SIGLEC15: variants seen among roughly 807,000 people sequenced by gnomAD.
SIGLEC15 encodes the protein sialic acid binding Ig like lectin 15.
In SIGLEC15, 31 loss-of-function variants were observed where a neutral mutation model predicts 26.2. The ratio of observed to expected loss-of-function variants is 1.18; its 90% CI spans 0.89 to 1.60. The LOEUF is 1.60. SIGLEC15 is among the 40% of genes most tolerant of loss of function. The pLI, the probability that SIGLEC15 is intolerant of heterozygous loss-of-function variation, is 0.00. For missense variants in SIGLEC15, 501 were observed against 488.4 expected (o/e 1.03, Z -0.24); for synonymous variants, 207 against 221.9 (o/e 0.93, Z 0.60).
Position 45,838,913 on chromosome 18 carries a change from A to G in SIGLEC15, c.692A>G (p.His231Arg), listed in dbSNP as rs766698669. 8.1e-6 allele frequency: 13 copies of G among 1,602,668 alleles called. No homozygotes were observed. The highest frequency in any genetic ancestry group is 1.1e-5 in the Non-Finnish European group (13 of 1,177,872). The change falls in exon 4 of 6, where the codon CAT becomes CGT. Residue 231 changes from histidine to arginine, a missense_variant. Coordinates refer to ENST00000389474, the MANE Select transcript of SIGLEC15 (RefSeq NM_213602.3). The part of the protein sequence containing the change: ...LVTAELPALT[H>R]DGRYTCTAAN... ...ACCGCCGAACTGCCCGCACTGACCC[A>G]TGACGGCCGCTACACGTGTACGGCC...
At chr18:45,835,562 G>A (rs1440267698) in intron 1 of SIGLEC15, among the ~76,000 whole-genome samples, 4 of 152,158 alleles carry the variant, frequency 2.6e-5, no homozygotes, top group Admixed American at 6.5e-5. Context: ...ATCTCATTTC[G>A]TAGAGGTCAG....
At chr18:45,828,869 T>G (rs1424076791) in intron 1 of SIGLEC15, among the ~76,000 whole-genome samples, 1 of 152,122 alleles carries the variant, frequency 6.6e-6, no homozygotes, top group Admixed American at 6.5e-5. Context: ...CAGGGGTGCT[T>G]ATTCGGGACA....
intron 3 of SIGLEC15, 30 bp downstream of exon 3, chr18:45,837,926 C>T (rs779957056): frequency 1.4e-6 from 2 of 1,459,988 alleles, no homozygotes; most frequent in East Asian, 2.9e-5. Context: ...GGTCCCCGGC[C>T]TCCCTTCCCG....
intron 1 of SIGLEC15, among the ~76,000 whole-genome samples, chr18:45,835,945 A>G (rs1333319004): frequency 6.6e-6 from 1 of 152,230 alleles, no homozygotes; most frequent in African/African-American, 2.4e-5. Flanking sequence ...GATAGTCATG[A>G]CAAGACCCTG....
rs2048342955 is a variant in SIGLEC15 at position 45,843,614 on chromosome 18, C to T, written c.*1427C>T. 6.6e-6 allele frequency: 1 copy of T among 152,354 alleles called. No homozygotes were observed. The highest frequency in any genetic ancestry group is 1.5e-5 in the Non-Finnish European group (1 of 68,136). The allele number at this position is 152,354 out of a possible 1,614,324, so 9.4% of individuals were successfully genotyped here. ...TAAAAATAGGCTGGGCGTGGTGGCTCATGCCTGTAATCCCAGCACCCTGGG... is the reference window on the plus strand; with the variant it reads ...TAAAAATAGGCTGGGCGTGGTGGCTTATGCCTGTAATCCCAGCACCCTGGG... On this transcript the variant is annotated 3_prime_UTR_variant, in exon 6 of 6. Coordinates refer to ENST00000389474, the MANE Select transcript of SIGLEC15 (RefSeq NM_213602.3).
At chr18:45,830,966 A>G (rs762816777) in intron 1 of SIGLEC15, among the ~76,000 whole-genome samples, 3 of 152,076 alleles carry the variant, frequency 2.0e-5, no homozygotes, top group Non-Finnish European at 4.4e-5. Context: ...ATTTTCAGAC[A>G]TAGATTTTTA....
Position 45,837,081 on chromosome 18 carries a change from G to A in SIGLEC15, c.105G>A (p.Glu35=), listed in dbSNP as rs1438965951. The A allele has an allele frequency of 6.2e-7, 1 of 1,610,754 alleles. No homozygotes were observed. The highest frequency in any genetic ancestry group is 1.3e-5 in the African/African-American group (1 of 74,846). ...CTACGGAGAACTTGCTCAACACAGA[G>A]GTGCACAGTAAGTGCTTTTATTATT... ...IDTTENLLNT[E]VHSSPAQRWS... Residue 35 remains glutamate, a synonymous_variant, in exon 2 of 6, where the codon GAG becomes GAA. Coordinates refer to ENST00000389474, the MANE Select transcript of SIGLEC15 (RefSeq NM_213602.3).
At chr18:45,835,678 C>A (rs1222174462) in intron 1 of SIGLEC15, among the ~76,000 whole-genome samples, 1 of 152,200 alleles carries the variant, frequency 6.6e-6, no homozygotes, top group African/African-American at 2.4e-5. Flanking sequence ...GAACCTGGAA[C>A]TGAACCATCC....
chr18:45,836,750 C>A (rs563904274), intron 1 of SIGLEC15, among the ~76,000 whole-genome samples: 2 of 152,352 alleles, frequency 1.3e-5, no homozygotes, highest in African/African-American at 4.8e-5. Context: ...CTTGGGTATA[C>A]CTGAATTCTA....
chr18:45,841,678 T>C (rs1017957975), intron 5 of SIGLEC15, among the ~76,000 whole-genome samples: 2 of 152,106 alleles, frequency 1.3e-5, no homozygotes, highest in Non-Finnish European at 2.9e-5. Context: ...GCCTGAGCCC[T>C]GGGTCCCACT....
intron 2 of SIGLEC15, 118 bp from the exon 3 acceptor site, chr18:45,837,395 T>C (rs908720232): frequency 7.4e-7 from 1 of 1,351,718 alleles, no homozygotes; most frequent in East Asian, 2.8e-5. Flanking sequence ...CCCTGAGTCC[T>C]GGGGTTTCCA....
intron 1 of SIGLEC15, among the ~76,000 whole-genome samples, chr18:45,833,905 T>C (rs936907635): frequency 1.3e-5 from 2 of 150,282 alleles, no homozygotes; most frequent in Admixed American, 1.3e-4. Context: ...CCAAGATAAG[T>C]AAAGGAAATA....
At chr18:45,835,726 C>T (rs535674180) in intron 1 of SIGLEC15, among the ~76,000 whole-genome samples, 1 of 152,292 alleles carries the variant, frequency 6.6e-6, no homozygotes, top group Admixed American at 6.5e-5. Flanking sequence ...GGGCATGAAA[C>T]ACAGTGGGAT....
intron 1 of SIGLEC15, among the ~76,000 whole-genome samples, chr18:45,835,958 C>T (rs8085782): frequency 0.14 from 21,015 of 152,152 alleles, 2,112 homozygotes; most frequent in East Asian, 0.35. Flanking sequence ...AGACCCTGCA[C>T]GGGGCCATCA....
chr18:45,827,911 C>G (rs2048199028), intron 1 of SIGLEC15, among the ~76,000 whole-genome samples: 1 of 152,240 alleles, frequency 6.6e-6, no homozygotes, highest in African/African-American at 2.4e-5. Context: ...CGCCAAACCA[C>G]ACACCTTCTC....
At chr18:45,835,055 A>G (rs2048265881) in intron 1 of SIGLEC15, among the ~76,000 whole-genome samples, 1 of 152,236 alleles carries the variant, frequency 6.6e-6, no homozygotes, top group South Asian at 2.1e-4. Flanking sequence ...ACTCGGGTTC[A>G]AAAATGTAAT....
chr18:45,833,393 T>C (rs2048250260), intron 1 of SIGLEC15, among the ~76,000 whole-genome samples: 1 of 152,186 alleles, frequency 6.6e-6, no homozygotes, highest in African/African-American at 2.4e-5. Context: ...CTCAGCTCAC[T>C]GCAACCTCTG....
In SIGLEC15 at chr18:45,838,959, CG is replaced by C. The variant is rs775280757; in HGVS notation, c.739del (p.Glu247ArgfsTer67). ...CTAANSLGRS[E>X]ASVYLFRFHG... Reference sequence around the variant, plus strand: ...CGGCCGCCAACAGCCTGGGCCGCTCCGAGGCCAGCGTCTACCTGTTCCGCTT... The same window carrying C: ...CGGCCGCCAACAGCCTGGGCCGCTCCAGGCCAGCGTCTACCTGTTCCGCTT... On this transcript the variant is annotated frameshift_variant, in exon 4 of 6. Coordinates refer to ENST00000389474, the MANE Select transcript of SIGLEC15 (RefSeq NM_213602.3). LOFTEE classifies it high-confidence loss of function. 3 of 1,604,424 alleles carry C rather than the reference CG, an allele frequency of 1.9e-6. No homozygotes were observed. The African/African-American group carries it at 4.0e-5, about 22-fold the overall frequency.
At position 45,838,880 on chromosome 18, in the gene SIGLEC15, A is replaced by C. The variant is rs961900450; in HGVS notation, c.659A>C (p.His220Pro). The stretch of plus-strand genomic sequence containing the variant: ...CGGAGCCCGCGTGAGGGTCACGGCC[A>C]CCTAGTGACCGCCGAACTGCCCGCA... ...AVRSPREGHG[H>P]LVTAELPALT... is the part of the protein sequence containing the mutation. Residue 220 changes from histidine (H) to proline (P), a missense_variant, in exon 4 of 6, where the codon CAC (histidine) becomes CCC (proline). His to Pro is a moderately conservative substitution (Grantham distance 77, BLOSUM62 -2). Coordinates refer to ENST00000389474, the MANE Select transcript of SIGLEC15 (RefSeq NM_213602.3). 1 of 1,592,088 alleles carries C rather than the reference A, an allele frequency of 6.3e-7. No homozygotes were observed. Among genetic ancestry groups the C allele is most frequent in the African/African-American group, 1.3e-5 (1 of 74,506 alleles).
Sources: gnomAD v4.1 joint callset for allele counts (sites outside exome capture counted in the v4.1 genomes callset) on GRCh38, gnomAD v4.1.1 for gene constraint, MANE v1.5 for transcripts, NCBI Gene and HGNC (gene_info 2026-07-23, HGNC 2026-07-21) for gene names.